The following ITPR1 variants were observed in gnomAD, a reference collection of about 807,000 sequenced individuals.
The protein encoded by ITPR1 is inositol 1,4,5-trisphosphate receptor type 1.
ITPR1 carries 96 observed loss-of-function variants against 318.4 expected under a neutral mutation model. The observed-to-expected ratio is 0.30, with a 90% CI of 0.26 to 0.36. ITPR1 has a LOEUF of 0.36. Among genes scored for constraint, ITPR1 ranks in the 10% least tolerant of loss-of-function variants. ITPR1 has a pLI of 1.00. For missense variants in ITPR1, 2,440 were observed against 3,460.2 expected (o/e 0.71, Z 7.40); for synonymous variants, 1,312 against 1,289.9 (o/e 1.02, Z -0.37).
At chr3:4,726,439 T>A (rs2042522976) in intron 41 of ITPR1, among the ~76,000 whole-genome samples, 1 of 152,210 alleles carries the variant, frequency 6.6e-6, no homozygotes, top group South Asian at 2.1e-4. Context: ...GAGAAGCTTT[T>A]TGGGGAGACA....
rs138931914 is a variant in ITPR1, at chr3:4,693,932, G to A, written c.4281+191G>A. 6.2e-4 allele frequency among the ~76,000 whole-genome samples: 95 copies of A among 152,290 alleles called. 1 individual carries two copies. The highest frequency in any genetic ancestry group is 1.8e-3 in the African/African-American group (76 of 41,554). On this transcript the variant is annotated intron_variant, in intron 33 of 61. Transcript: ENST00000649015. Reference sequence around the variant, plus strand: ...CATTGATTTTGCATGAAAGGAACACGGAAGAAGTTAGTCGTTCTTTCTGTA... The same window carrying A: ...CATTGATTTTGCATGAAAGGAACACAGAAGAAGTTAGTCGTTCTTTCTGTA...
chr3:4,689,520 A>G (rs1308478690), intron 31 of ITPR1, among the ~76,000 whole-genome samples: 2 of 152,138 alleles, frequency 1.3e-5, no homozygotes, highest in Non-Finnish European at 2.9e-5. Context: ...AGGATGCTCA[A>G]CCAGCAGACT....
At chr3:4,603,679 T>C (rs189241282) in intron 4 of ITPR1, among the ~76,000 whole-genome samples, 40 of 152,276 alleles carry the variant, frequency 2.6e-4, no homozygotes, top group Non-Finnish European at 4.7e-4. Flanking sequence ...CCACCCGCCT[T>C]GGCCTCCAAA....
intron 44 of ITPR1, among the ~76,000 whole-genome samples, chr3:4,737,496 T>C (rs1201915105): frequency 1.3e-5 from 2 of 152,124 alleles, no homozygotes; most frequent in Non-Finnish European, 2.9e-5. Context: ...AGAGCAGCAG[T>C]TGGGTTTCCA....
chr3:4,667,603 G>T, intron 18 of ITPR1, 54 bp downstream of exon 18: 1 of 1,493,604 alleles, frequency 6.7e-7, no homozygotes, highest in South Asian at 1.3e-5. Flanking sequence ...TAAGATGCAG[G>T]GACTTAGCTG....
chr3:4,669,661 G>A lies in ITPR1; in HGVS notation c.1894G>A (p.Asp632Asn). The change falls in exon 19 of 62, where the codon GAT (aspartate) becomes AAT (asparagine). Residue 632 changes from aspartate (D) to asparagine (N), a missense_variant. This residue lies in a region of ITPR1 where 478 missense variants were observed against 696.3 expected (regional missense o/e 0.69). Coordinates refer to ENST00000649015, the MANE Select transcript of ITPR1 (RefSeq NM_001378452.1). ...VRKNREPRFLDYLSDLCVSMN... is the reference protein window; with the variant it reads ...VRKNREPRFLNYLSDLCVSMN... ...GTTTCTGTTTCTGTTTAGATTCTTA[G>A]ATTACCTCTCCGACCTCTGTGTCTC... The A allele has an allele frequency of 6.2e-7, 1 of 1,611,944 alleles. No individual in the cohort carries two copies. The highest frequency in any genetic ancestry group is 8.5e-7 in the Non-Finnish European group (1 of 1,178,666).
At chr3:4,772,631 A>G (rs1452318394) in intron 46 of ITPR1, among the ~76,000 whole-genome samples, 2 of 152,198 alleles carry the variant, frequency 1.3e-5, no homozygotes, top group African/African-American at 2.4e-5. Context: ...GAAGTCTTCC[A>G]TTTCCTTAAC....
At chr3:4,704,662 C>T (rs1240973841) in intron 36 of ITPR1, among the ~76,000 whole-genome samples, 4 of 151,998 alleles carry the variant, frequency 2.6e-5, no homozygotes. Context: ...AAGTGGTTGA[C>T]TTGACTAGTA....
At chr3:4,807,087 GGGGGGCTTACAAAGA>G in intron 55 of ITPR1, among the ~76,000 whole-genome samples, 1 of 104,744 alleles carries the variant, frequency 9.5e-6, no homozygotes, top group Non-Finnish European at 1.8e-5. Context: ...TACAAAGAGA[GGGGGGCTTACAAAGA>G]GAGGGGGGCT....
chr3:4,554,936 C>G (rs1468446258), intron 4 of ITPR1, among the ~76,000 whole-genome samples: 1 of 152,110 alleles, frequency 6.6e-6, no homozygotes, highest in Non-Finnish European at 1.5e-5. Flanking sequence ...ATTATCTTCT[C>G]TAGGAGCACA....
intron 60 of ITPR1, among the ~76,000 whole-genome samples, chr3:4,834,624 A>G (rs2050759567): frequency 6.6e-6 from 1 of 152,130 alleles, no homozygotes; most frequent in Non-Finnish European, 1.5e-5. Flanking sequence ...TCAGAGTTGC[A>G]TAGTCCTTGA....
At chr3:4,501,474 A>T (rs2081015743) in intron 2 of ITPR1, among the ~76,000 whole-genome samples, 1 of 152,252 alleles carries the variant, frequency 6.6e-6, no homozygotes, top group Admixed American at 6.5e-5. Context: ...ACATTTTTGC[A>T]AGATCCTCAA....
intron 2 of ITPR1, among the ~76,000 whole-genome samples, chr3:4,499,712 G>T (rs951898379): frequency 6.6e-6 from 1 of 152,182 alleles, no homozygotes; most frequent in Non-Finnish European, 1.5e-5. Context: ...TTTGCTGACT[G>T]CATCAGTGCA....
Position 4,688,566 on chromosome 3 carries a change from C to A in ITPR1, c.3774C>A (p.Asn1258Lys). The change falls in exon 31 of 62, where the codon AAC (asparagine) becomes AAA (lysine). Residue 1258 changes from asparagine (N) to lysine (K), a missense_variant. Asn to Lys is a moderately conservative substitution (Grantham distance 94, BLOSUM62 0). This residue lies in a region of ITPR1 where 222 missense variants were observed against 318.8 expected (regional missense o/e 0.70). Transcript: ENST00000649015. ...HEFLQNFCAG[N>K]QQNQALLHKH... ...TTTTGCAGAATTTCTGCGCAGGCAA[C>A]CAGCAGAATCAAGCTTTGCTACATA... The A allele has an allele frequency of 6.2e-7, 1 of 1,613,952 alleles. No homozygotes were observed. The highest frequency in any genetic ancestry group is 8.5e-7 in the Non-Finnish European group (1 of 1,179,832).
At chr3:4,713,373 T>C (rs1336948331) in intron 39 of ITPR1, among the ~76,000 whole-genome samples, 1 of 152,254 alleles carries the variant, frequency 6.6e-6, no homozygotes, top group Admixed American at 6.5e-5. Flanking sequence ...CCGAGGTATT[T>C]AAAGTAAACT....
rs2051846542 is a variant in ITPR1 at position 4,847,199 on chromosome 3, T to TAAAG, written c.*976_*979dup. On this transcript the variant is annotated 3_prime_UTR_variant, in exon 62 of 62. Coordinates refer to ENST00000649015, the MANE Select transcript of ITPR1 (RefSeq NM_001378452.1). ...AGTATTAAAACTATATACATCCATA[T>TAAAG]AAAGATGAAATATGAACTATCTCAT... 1.3e-5 allele frequency: 2 copies of TAAAG among 152,614 alleles called. No individual in the cohort carries two copies. Among genetic ancestry groups the TAAAG allele is most frequent in the South Asian group, 4.1e-4 (2 of 4,832 alleles). The allele number at this position is 152,614 out of a possible 1,614,324, so 9.5% of individuals were successfully genotyped here.
chr3:4,676,568 A>G, intron 23 of ITPR1, 46 bp from the exon 24 acceptor site: 2 of 1,490,476 alleles, frequency 1.3e-6, no homozygotes, highest in South Asian at 1.2e-5. Context: ...GCCTCTGAGC[A>G]TTCTCTAGAG....
Position 4,644,251 on chromosome 3 carries a change from A to C in ITPR1, c.624+17A>C. 5 of 1,551,886 alleles carry C rather than the reference A, an allele frequency of 3.2e-6. No individual in the cohort carries two copies. The highest frequency in any genetic ancestry group is 4.4e-6 in the Non-Finnish European group (5 of 1,132,236). ...TGCAATGAGGTAAGGACATTGAGTT[A>C]TGTGTGTGGGTGTGGTTATCCTGCA... On this transcript the variant is annotated intron_variant, in intron 8 of 61. Coordinates refer to ENST00000649015, the MANE Select transcript of ITPR1 (RefSeq NM_001378452.1).
Position 4,670,949 on chromosome 3 carries a change from TCA to T in ITPR1, c.2204+24_2204+25del, listed in dbSNP as rs1576020542. 6 of 1,496,844 alleles carry T rather than the reference TCA, an allele frequency of 4.0e-6. No homozygotes were observed. In the East Asian group the frequency reaches 1.4e-4, roughly 35 times the overall value. The allele number at this position is 1,496,844 out of a possible 1,614,324, so 92.7% of individuals were successfully genotyped here. Reference sequence around the variant, plus strand: ...CAGGTGCGTGGGACACGTGTGGGGCTCAGATTGGGGTGCCCCAAAACAGTGGC... The same window carrying T: ...CAGGTGCGTGGGACACGTGTGGGGCTGATTGGGGTGCCCCAAAACAGTGGC... On this transcript the variant is annotated intron_variant, in intron 20 of 61. Coordinates refer to ENST00000649015, the MANE Select transcript of ITPR1 (RefSeq NM_001378452.1).
Sources: gnomAD v4.1 joint callset for allele counts (sites outside exome capture counted in the v4.1 genomes callset) on GRCh38, gnomAD v4.1.1 for gene constraint, gnomAD v4.1.1 regional missense constraint, MANE v1.5 for transcripts, NCBI Gene and HGNC (gene_info 2026-07-23, HGNC 2026-07-21) for gene names.